The following RBFOX1 variants were observed in gnomAD, a reference collection of about 807,000 sequenced individuals.
RBFOX1 encodes RNA binding fox-1 homolog 1, also known as RNA binding protein fox-1 homolog 1.
In RBFOX1, 8 loss-of-function variants were observed where a neutral mutation model predicts 57.7. That is an observed-to-expected ratio of 0.14 (90% confidence interval 0.08 to 0.25). The LOEUF (loss-of-function observed/expected upper bound fraction) is 0.25, where lower values mean the gene tolerates loss of function less well. Among genes scored for constraint, RBFOX1 ranks in the 10% least tolerant of loss-of-function variants. The probability of loss-of-function intolerance (pLI) is 1.00; values close to 1 mark genes in which losing one functional copy is unlikely to be tolerated. For missense variants in RBFOX1, 611 were observed against 548.5 expected, an observed-to-expected ratio of 1.11 and a Z score of -1.14; for synonymous variants, 326 against 222.4, an observed-to-expected ratio of 1.47 and a Z score of -4.15.
chr16:7,229,691 G>T (rs1414947600), intron 4 of RBFOX1, among the ~76,000 whole-genome samples: 1 of 87,636 alleles, frequency 1.1e-5, no homozygotes, highest in Non-Finnish European at 2.7e-5. Flanking sequence ...AGAGACGAAG[G>T]AAGAGGGGAA....
At chr16:6,731,139 C>T (rs1232553938) in intron 3 of RBFOX1, among the ~76,000 whole-genome samples, 1 of 152,060 alleles carries the variant, frequency 6.6e-6, no homozygotes, top group Non-Finnish European at 1.5e-5. Context: ...AAGATGAATA[C>T]AGAGGGACTG....
At chr16:7,144,270 T>C (rs2074437459) in intron 4 of RBFOX1, among the ~76,000 whole-genome samples, 1 of 152,228 alleles carries the variant, frequency 6.6e-6, no homozygotes, top group East Asian at 1.9e-4. Context: ...GCAAAGAACT[T>C]CCTCCCCAGA....
chr16:7,634,007 A>G (rs537559041), intron 11 of RBFOX1, among the ~76,000 whole-genome samples: 10 of 152,154 alleles, frequency 6.6e-5, no homozygotes, highest in African/African-American at 9.7e-5. Flanking sequence ...GTGCGCACAC[A>G]CACACACGAG....
At chr16:5,640,713 G>A (rs11648994) in intron 3 of RBFOX1, among the ~76,000 whole-genome samples, 76,165 of 146,796 alleles carry the variant, frequency 0.52, 23,416 homozygotes, top group Non-Finnish European at 0.7. Flanking sequence ...ATGCACACAC[G>A]TACACTATGC....
At chr16:6,687,551 T>C (rs914623004) in intron 3 of RBFOX1, among the ~76,000 whole-genome samples, 1 of 152,224 alleles carries the variant, frequency 6.6e-6, no homozygotes, top group Non-Finnish European at 1.5e-5. Context: ...GATATCTTGG[T>C]GTTTTATCAC....
intron 2 of RBFOX1, among the ~76,000 whole-genome samples, chr16:6,457,060 G>A (rs955262793): frequency 3.3e-5 from 5 of 152,110 alleles, no homozygotes; most frequent in Non-Finnish European, 5.9e-5. Context: ...GAGCCTTGGA[G>A]TATAAACAGG....
chr16:7,515,337 G>C (rs555383436), intron 4 of RBFOX1, among the ~76,000 whole-genome samples: 1 of 151,828 alleles, frequency 6.6e-6, no homozygotes, highest in Non-Finnish European at 1.5e-5. Context: ...ATGAGACAAA[G>C]GGTACAAAGT....
At chr16:6,332,888 A>G (rs1424150092) in intron 2 of RBFOX1, among the ~76,000 whole-genome samples, 3 of 152,218 alleles carry the variant, frequency 2.0e-5, no homozygotes, top group Non-Finnish European at 4.4e-5. Flanking sequence ...TATGAAAGTT[A>G]TAGAACATAG....
chr16:6,076,890 C>T (rs1002048458), intron 1 of RBFOX1, among the ~76,000 whole-genome samples: 1 of 152,114 alleles, frequency 6.6e-6, no homozygotes, highest in Non-Finnish European at 1.5e-5. Context: ...AAAGCTCTGG[C>T]TCAAGGTGGG....
chr16:6,253,838 A>G (rs917181056), intron 1 of RBFOX1, among the ~76,000 whole-genome samples: 1 of 152,164 alleles, frequency 6.6e-6, no homozygotes, highest in Non-Finnish European at 1.5e-5. Context: ...GCCACAGTGC[A>G]TTTAACTCCT....
At chr16:7,392,211 C>T (rs1235068952) in intron 4 of RBFOX1, among the ~76,000 whole-genome samples, 2 of 152,170 alleles carry the variant, frequency 1.3e-5, no homozygotes, top group African/African-American at 2.4e-5. Flanking sequence ...CCTCTGCCTA[C>T]ATGTCCCTTT....
At chr16:6,842,204 T>A (rs1186621368) in intron 3 of RBFOX1, among the ~76,000 whole-genome samples, 2 of 151,924 alleles carry the variant, frequency 1.3e-5, no homozygotes, top group Non-Finnish European at 2.9e-5. Context: ...GAACTGAGTG[T>A]TAGCTATTTG....
chr16:5,938,233 G>A (rs941781070), intron 4 of RBFOX1, among the ~76,000 whole-genome samples: 5 of 152,046 alleles, frequency 3.3e-5, no homozygotes. Flanking sequence ...TAGCTTTCAG[G>A]TTTGTAGCCA....
intron 3 of RBFOX1, among the ~76,000 whole-genome samples, chr16:6,919,303 C>T (rs1247383197): frequency 1.3e-5 from 2 of 152,094 alleles, no homozygotes; most frequent in African/African-American, 4.8e-5. Context: ...GGTAATGTTT[C>T]TTGACCAATT....
At chr16:5,417,182 T>C (rs1354177826) in intron 1 of RBFOX1, among the ~76,000 whole-genome samples, 1 of 152,242 alleles carries the variant, frequency 6.6e-6, no homozygotes, top group Non-Finnish European at 1.5e-5. Flanking sequence ...TTAATTAAGA[T>C]TTAATCAGTC....
Position 7,582,679 on chromosome 16 carries a change from G to A in RBFOX1, c.414+2759G>A, listed in dbSNP as rs112205270. 8.8e-3 allele frequency among the ~76,000 whole-genome samples: 1,344 copies of A among 152,192 alleles called. 15 individuals carry two copies. Among genetic ancestry groups the A allele is most frequent in the African/African-American group, 0.031 (1,273 of 41,520 alleles). On this transcript the variant is annotated intron_variant, in intron 6 of 15. Coordinates refer to ENST00000550418, the MANE Select transcript of RBFOX1 (RefSeq NM_018723.4). ...AGAAACTACAGTTTAACTCCAATTC[G>A]GTACTTCTCACGTTATTTGGACATG...
intron 1 of RBFOX1, among the ~76,000 whole-genome samples, chr16:6,166,638 C>T (rs889893977): frequency 6.6e-6 from 1 of 152,170 alleles, no homozygotes; most frequent in Non-Finnish European, 1.5e-5. Flanking sequence ...TTACTCTGAG[C>T]ATAACGCCGG....
intron 4 of RBFOX1, among the ~76,000 whole-genome samples, chr16:5,880,182 C>T (rs118076756): frequency 2.2e-4 from 34 of 152,230 alleles, no homozygotes; most frequent in Admixed American, 5.2e-4. Flanking sequence ...TCAGTCTTTC[C>T]GTTCCAAACA....
At chr16:5,855,907 A>G (rs2057014407) in intron 3 of RBFOX1, among the ~76,000 whole-genome samples, 1 of 147,046 alleles carries the variant, frequency 6.8e-6, no homozygotes, top group Non-Finnish European at 1.5e-5. Flanking sequence ...ATATTTTATT[A>G]ATGTTTGTTA....
Sources: allele counts gnomAD v4.1 joint callset (sites outside exome capture counted in the v4.1 genomes callset), GRCh38; gene constraint gnomAD v4.1.1; transcripts MANE v1.5; gene names NCBI Gene and HGNC (gene_info 2026-07-23, HGNC 2026-07-21).